The following SMYD3 variants were observed in gnomAD, a reference collection of about 807,000 sequenced individuals.
The protein encoded by SMYD3 is SET and MYND domain containing 3.
In SMYD3, 36 loss-of-function variants were observed where a neutral mutation model predicts 57.7. That is an observed-to-expected ratio of 0.62 (90% confidence interval 0.48 to 0.82). The LOEUF (loss-of-function observed/expected upper bound fraction) is 0.82. Among genes scored for constraint, SMYD3 ranks in the 40% least tolerant of loss-of-function variants. The probability of loss-of-function intolerance (pLI) is 0.00; values close to 1 mark genes in which losing one functional copy is unlikely to be tolerated. For synonymous variants in SMYD3, 211 were observed against 195.0 expected (o/e 1.08, Z -0.68); for missense variants, 515 against 538.8 (o/e 0.96, Z 0.44).
intron 1 of SMYD3, chr1:246,483,783 T>C (rs1342558807): frequency 2.0e-5 from 3 of 152,232 alleles, no homozygotes; most frequent in Admixed American, 2.0e-4. Flanking sequence ...TCTCTGCTTT[T>C]TGGGACCTTT....
At position 245,824,955 on chromosome 1, in the gene SMYD3, C is replaced by T. The variant is rs576336023; in HGVS notation, c.1076+33541G>A. ...CTGAAGCAGGAAAATTGCTTGAACC[C>T]GAGAGGCAGAGGTTGCAGTCAGCCG... is the stretch of plus-strand genomic sequence containing the variant. On this transcript the variant is annotated intron_variant, in intron 10 of 11. Coordinates refer to ENST00000490107, the MANE Select transcript of SMYD3 (RefSeq NM_001167740.2). Among the ~76,000 whole-genome samples, 326 of 152,034 alleles carry T rather than the reference C, an allele frequency of 2.1e-3. 2 individuals carry two copies. The highest frequency in any genetic ancestry group is 6.9e-3 in the African/African-American group (288 of 41,458).
chr1:245,957,744 C>A (rs957847816), intron 5 of SMYD3, among the ~76,000 whole-genome samples: 2 of 152,194 alleles, frequency 1.3e-5, no homozygotes, highest in Non-Finnish European at 2.9e-5. Flanking sequence ...TGTCTACTTT[C>A]TTTGCCTTCT....
At chr1:246,002,207 TG>T (rs2059064431) in intron 5 of SMYD3, among the ~76,000 whole-genome samples, 1 of 151,558 alleles carries the variant, frequency 6.6e-6, no homozygotes, top group Non-Finnish European at 1.5e-5. Flanking sequence ...TTTTTTTAAA[TG>T]GAGTCTCGCT....
intron 2 of SMYD3, among the ~76,000 whole-genome samples, chr1:246,349,681 G>A (rs750589275): frequency 1.3e-5 from 2 of 152,202 alleles, no homozygotes; most frequent in Non-Finnish European, 2.9e-5. Context: ...CATTCTACCT[G>A]TAAAGTGGTA....
chr1:246,369,054 A>C (rs936639442), intron 1 of SMYD3, among the ~76,000 whole-genome samples: 1 of 152,202 alleles, frequency 6.6e-6, no homozygotes, highest in Non-Finnish European at 1.5e-5. Context: ...TAAGCAGTTT[A>C]ACCTCTCAAA....
rs1160515313 is a variant in SMYD3, at chr1:246,203,757, C to T, written c.531+123444G>A. Among the ~76,000 whole-genome samples, 2 of 152,214 alleles carry T rather than the reference C, an allele frequency of 1.3e-5. No individual in the cohort carries two copies. The highest frequency in any genetic ancestry group is 1.3e-4 in the Admixed American group (2 of 15,284). ...TGCGGGGACACAGTTCAGCCCAGAA[C>T]ACACTCTCCTTCTCCTGGGTTTCTC... On this transcript the variant is annotated intron_variant, in intron 5 of 11. Transcript: ENST00000490107. This position sits in a 1 kb window ranked among gnomAD's most constrained non-coding sequence, Gnocchi z 4.6.
chr1:246,338,852 G>A (rs1194040733), intron 2 of SMYD3, among the ~76,000 whole-genome samples: 2 of 152,116 alleles, frequency 1.3e-5, no homozygotes, highest in Non-Finnish European at 2.9e-5. Flanking sequence ...AAATTTATGC[G>A]GGTATTTTTA....
chr1:246,359,873 T>A (rs1558422805), intron 1 of SMYD3, among the ~76,000 whole-genome samples: 1 of 152,202 alleles, frequency 6.6e-6, no homozygotes, highest in Non-Finnish European at 1.5e-5. Context: ...AGGGAAAAGT[T>A]GAAATCATTC....
intron 5 of SMYD3, among the ~76,000 whole-genome samples, chr1:246,076,150 A>T (rs1001111616): frequency 3.9e-5 from 6 of 152,166 alleles, no homozygotes; most frequent in African/African-American, 1.4e-4. Flanking sequence ...ACATAAGTCC[A>T]CTAAAATGGT....
At chr1:245,831,989 C>G (rs1025013783) in intron 10 of SMYD3, among the ~76,000 whole-genome samples, 1 of 152,236 alleles carries the variant, frequency 6.6e-6, no homozygotes, top group Non-Finnish European at 1.5e-5. Flanking sequence ...CTAAAGCTCA[C>G]TGCCTTTCTT....
intron 1 of SMYD3, among the ~76,000 whole-genome samples, chr1:246,471,388 G>A (rs1045238543): frequency 3.3e-5 from 5 of 151,952 alleles, no homozygotes; most frequent in African/African-American, 1.2e-4. Flanking sequence ...GTAGAGACAG[G>A]GTCTTGCCAT....
chr1:246,239,568 T>C (rs571602559), intron 5 of SMYD3, among the ~76,000 whole-genome samples: 1 of 152,370 alleles, frequency 6.6e-6, no homozygotes, highest in African/African-American at 2.4e-5. Context: ...CATGTGTCTT[T>C]ATAGCAGCAT....
intron 1 of SMYD3, among the ~76,000 whole-genome samples, chr1:246,373,970 T>A (rs905962698): frequency 6.6e-6 from 1 of 152,150 alleles, no homozygotes; most frequent in African/African-American, 2.4e-5. Context: ...ACTGACCCCC[T>A]TCCAAATGCC....
intron 5 of SMYD3, among the ~76,000 whole-genome samples, chr1:246,128,735 G>A (rs1031737052): frequency 1.3e-5 from 2 of 152,080 alleles, no homozygotes; most frequent in Non-Finnish European, 2.9e-5. Flanking sequence ...CTCCCTTTAG[G>A]GGGTGAAAGG....
At chr1:245,838,385 C>A (rs2050207602) in intron 10 of SMYD3, among the ~76,000 whole-genome samples, 1 of 152,184 alleles carries the variant, frequency 6.6e-6, no homozygotes, top group Non-Finnish European at 1.5e-5. Flanking sequence ...GCCACACCTT[C>A]ACCCTGCGGG....
chr1:246,452,005 ACT>A (rs1354671866), intron 1 of SMYD3, among the ~76,000 whole-genome samples: 8 of 152,306 alleles, frequency 5.3e-5, no homozygotes, highest in Admixed American at 5.2e-4. Flanking sequence ...TAAAGAAGCC[ACT>A]GTTTCTTCAT....
chr1:246,045,045 G>T (rs556203001), intron 5 of SMYD3, among the ~76,000 whole-genome samples: 3 of 152,142 alleles, frequency 2.0e-5, no homozygotes, highest in African/African-American at 7.2e-5. Context: ...TTGTGAAAAC[G>T]GACATACTGC....
Position 246,375,485 on chromosome 1 carries a change from G to T in SMYD3, c.165-20391C>A, listed in dbSNP as rs564884698. 2.3e-4 allele frequency among the ~76,000 whole-genome samples: 35 copies of T among 152,100 alleles called. No individual in the cohort carries two copies. The South Asian group carries it at 7.3e-3, about 32-fold the overall frequency. On this transcript the variant is annotated intron_variant, in intron 1 of 11. Transcript: ENST00000490107. ...TTAACTATTTGTTTAAGCCACTACA[G>T]TGGAAGTGTATTCACAAAGATGTAA...
Position 246,259,426 on chromosome 1 carries a change from C to A in SMYD3, c.531+67775G>T, listed in dbSNP as rs558826238. Among the ~76,000 whole-genome samples the A allele has an allele frequency of 3.3e-5, 5 of 151,980 alleles. 1 individual carries two copies. The highest frequency in any genetic ancestry group is 1.2e-4 in the African/African-American group (5 of 41,486). ...ATGTTACTGGGTTTTTTTTCCTTCT[C>A]TTTCCCTTTCCCCTGCTTCCTATGG... is the stretch of plus-strand genomic sequence containing the variant. On this transcript the variant is annotated intron_variant, in intron 5 of 11. Transcript: ENST00000490107.
Sources: allele counts gnomAD v4.1 joint callset (sites outside exome capture counted in the v4.1 genomes callset), GRCh38; gene constraint gnomAD v4.1.1; non-coding constraint Gnocchi (gnomAD v3.1); transcripts MANE v1.5; gene names NCBI Gene and HGNC (gene_info 2026-07-23, HGNC 2026-07-21).